MPHOSPH8: variants seen among roughly 807,000 people sequenced by gnomAD.
The protein encoded by MPHOSPH8 is M-phase phosphoprotein 8, also known as M-phase phosphoprotein, mpp.
Under a neutral mutation model 87.3 loss-of-function variants are expected in MPHOSPH8, and 45 were observed. The ratio of observed to expected loss-of-function variants is 0.52; its 90% confidence interval spans 0.41 to 0.66. The LOEUF (loss-of-function observed/expected upper bound fraction) is 0.66. MPHOSPH8 is among the 30% of genes least tolerant of loss of function. The pLI is 0.00. For missense variants in MPHOSPH8, 883 were observed against 1,020.2 expected (o/e 0.87, Z 1.83); for synonymous variants, 366 against 376.9 (o/e 0.97, Z 0.33).
At chr13:19,640,062 C>G (rs573027027) in intron 1 of MPHOSPH8, among the ~76,000 whole-genome samples, 11 of 151,684 alleles carry the variant, frequency 7.3e-5, no homozygotes, top group African/African-American at 1.9e-4. Context: ...GCCAAGATCG[C>G]GCCACTACTC....
chr13:19,669,513 C>CAT (rs1555224261), intron 11 of MPHOSPH8, among the ~76,000 whole-genome samples: 1 of 133,492 alleles, frequency 7.5e-6, no homozygotes. Flanking sequence ...CATCCACCAA[C>CAT]TTTTTTTTTT....
intron 5 of MPHOSPH8, 186 bp downstream of exon 5, chr13:19,650,446 A>G: frequency 3.4e-6 from 2 of 585,430 alleles, no homozygotes; most frequent in South Asian, 7.9e-5. Context: ...AATGGATCAA[A>G]CAATTTTTCT....
intron 1 of MPHOSPH8, among the ~76,000 whole-genome samples, chr13:19,639,009 G>A (rs1874141917): frequency 6.6e-6 from 1 of 151,736 alleles, no homozygotes; most frequent in Non-Finnish European, 1.5e-5. Flanking sequence ...CTTGAACCCA[G>A]GAGGCAGAGG....
At chr13:19,643,943 C>T (rs1874436286) in intron 2 of MPHOSPH8, among the ~76,000 whole-genome samples, 1 of 152,136 alleles carries the variant, frequency 6.6e-6, no homozygotes, top group Non-Finnish European at 1.5e-5. Flanking sequence ...ATTGCATGTC[C>T]TCATTTACTA....
intron 5 of MPHOSPH8, among the ~76,000 whole-genome samples, chr13:19,652,159 G>A (rs541729783): frequency 6.6e-6 from 1 of 152,308 alleles, no homozygotes; most frequent in South Asian, 2.1e-4. Flanking sequence ...AATAGGAACA[G>A]CTCCGTTCCG....
chr13:19,661,085 C>A, intron 7 of MPHOSPH8: 1 of 361,490 alleles, frequency 2.8e-6, no homozygotes, highest in Non-Finnish European at 3.9e-6. Context: ...ATAGCAACAC[C>A]GTCTCAATAA....
intron 9 of MPHOSPH8, among the ~76,000 whole-genome samples, chr13:19,666,198 C>T (rs1875804108): frequency 6.6e-6 from 1 of 152,202 alleles, no homozygotes; most frequent in Non-Finnish European, 1.5e-5. Flanking sequence ...GAATGTAGCA[C>T]ACAGATTTTT....
At chr13:19,646,202 A>G (rs1874554167) in intron 2 of MPHOSPH8, among the ~76,000 whole-genome samples, 1 of 152,166 alleles carries the variant, frequency 6.6e-6, no homozygotes, top group African/African-American at 2.4e-5. Context: ...TTGGGCGCTC[A>G]GCAGCACTGA....
At chr13:19,639,865 G>C (rs1319230124) in intron 1 of MPHOSPH8, among the ~76,000 whole-genome samples, 1 of 151,628 alleles carries the variant, frequency 6.6e-6, no homozygotes, top group African/African-American at 2.4e-5. Context: ...AGCATTTTGG[G>C]AGGCCGAGGC....
intron 5 of MPHOSPH8, among the ~76,000 whole-genome samples, chr13:19,652,099 C>T (rs1874882712): frequency 6.6e-6 from 1 of 152,128 alleles, no homozygotes; most frequent in Non-Finnish European, 1.5e-5. Context: ...GAGTCTCCAT[C>T]TCAAAATAAA....
intron 9 of MPHOSPH8, among the ~76,000 whole-genome samples, chr13:19,665,604 C>T (rs1415462318): frequency 1.3e-5 from 2 of 152,144 alleles, no homozygotes; most frequent in African/African-American, 4.8e-5. Context: ...GTTCCCCCTG[C>T]CAGAAGCACT....
At chr13:19,658,412 T>C (rs924464806) in intron 5 of MPHOSPH8, among the ~76,000 whole-genome samples, 15 of 152,196 alleles carry the variant, frequency 9.9e-5, no homozygotes, top group Admixed American at 7.2e-4. Context: ...GCTGAACACA[T>C]GCGTCCTCAG....
Position 19,661,804 on chromosome 13 carries a change from A to T in MPHOSPH8, c.1898A>T (p.Asn633Ile). 5 of 1,613,214 alleles carry T rather than the reference A, an allele frequency of 3.1e-6. No individual in the cohort carries two copies. Among genetic ancestry groups the T allele is most frequent in the Non-Finnish European group, 4.2e-6 (5 of 1,179,568 alleles). Residue 633 changes from asparagine (N) to isoleucine (I), a missense_variant, in exon 8 of 14, where the codon AAC becomes ATC. Asn to Ile is a moderately radical substitution (Grantham distance 149, BLOSUM62 -3). Coordinates refer to ENST00000361479, the MANE Select transcript of MPHOSPH8 (RefSeq NM_017520.4). ...KGAKVNGRQKNGTTALIHAAE... is the reference protein window; with the variant it reads ...KGAKVNGRQKIGTTALIHAAE... ...GCGAAAGTGAACGGTCGGCAGAAGA[A>T]CGGGACCACCGCCCTCATTCATGCT...
In MPHOSPH8 at chr13:19,650,187, T is replaced by C. The variant is rs1379378451; in HGVS notation, c.1503T>C (p.Asp501=). 1.9e-6 allele frequency: 3 copies of C among 1,614,198 alleles called. No homozygotes were observed. The highest frequency in any genetic ancestry group is 2.2e-5 in the East Asian group (1 of 44,878). Residue 501 remains aspartate, a synonymous_variant, in exon 5 of 14, where the codon GAT becomes GAC. Transcript: ENST00000361479. ...GGAGAAACACCAGAGACGAAACGGA[T>C]ACTTGGGCATACATTGCTGCAGAAG... The part of the protein sequence containing the change: ...KERRNTRDET[D]TWAYIAAEGD...
chr13:19,672,126 T>C lies in MPHOSPH8; in HGVS notation c.*251T>C, dbSNP rs1876164518. 3 of 435,184 alleles carry C rather than the reference T, an allele frequency of 6.9e-6. No homozygotes were observed. The highest frequency in any genetic ancestry group is 3.7e-5 in the Admixed American group (1 of 26,922). 27.0% of individuals were successfully genotyped at this position (435,184 alleles called of 1,614,324 possible). A position where few individuals can be genotyped will look rare whatever the true frequency, so the allele number is the denominator to read the frequency against. ...ATGTGGATAGTACATATGAGGATTA[T>C]TTAAGAAAATTAAAGACTTCACTTT... On this transcript the variant is annotated 3_prime_UTR_variant, in exon 14 of 14. Transcript: ENST00000361479.
In MPHOSPH8 at chr13:19,647,138, G is replaced by A. The variant is rs1442227613; in HGVS notation, c.1065G>A (p.Glu355=). ...RKLENKNAFL[E]KKTVPKKQRN... is the part of the protein sequence containing the mutation. ...TAGAGAACAAGAACGCTTTCTTAGA[G>A]AAGAAAACTGTGCCTAAAAAGCAGA... is the stretch of plus-strand genomic sequence containing the variant. Residue 355 remains glutamate, a synonymous_variant, in exon 3 of 14, where the codon GAG becomes GAA. Coordinates refer to ENST00000361479, the MANE Select transcript of MPHOSPH8 (RefSeq NM_017520.4). 8.7e-6 allele frequency: 14 copies of A among 1,614,008 alleles called. No individual in the cohort carries two copies. The highest frequency in any genetic ancestry group is 5.5e-5 in the South Asian group (5 of 91,078).
chr13:19,645,768 G>A (rs1418815937), intron 2 of MPHOSPH8, among the ~76,000 whole-genome samples: 2 of 150,442 alleles, frequency 1.3e-5, no homozygotes, highest in Non-Finnish European at 3.0e-5. Flanking sequence ...AAAAGCTATC[G>A]TTTCCATCCC....
At chr13:19,670,697 AAATTTGCTAGAT>A in intron 12 of MPHOSPH8, 1 of 1,048,258 alleles carries the variant, frequency 9.5e-7, no homozygotes, top group Non-Finnish European at 1.2e-6. Flanking sequence ...GAATTAAGCA[AAATTTGCTAGAT>A]ATAGACATTT....
chr13:19,660,736 G>A (rs1875479834), intron 7 of MPHOSPH8, among the ~76,000 whole-genome samples: 1 of 151,906 alleles, frequency 6.6e-6, no homozygotes, highest in Non-Finnish European at 1.5e-5. Context: ...TTTACATTTT[G>A]TTTTCTAACT....
Sources: gnomAD v4.1 joint callset for allele counts (sites outside exome capture counted in the v4.1 genomes callset) on GRCh38, gnomAD v4.1.1 for gene constraint, MANE v1.5 for transcripts, NCBI Gene and HGNC (gene_info 2026-07-23, HGNC 2026-07-21) for gene names.